The following KPLCE variants were observed in gnomAD, a reference collection of about 807,000 sequenced individuals.
KPLCE encodes the protein KPRP N-terminal and LCE C-terminal like protein, also known as protein KPLCE.
the KPLCE span, chr1:152,719,933 T>A: frequency 6.4e-7 from 1 of 1,552,094 alleles, no homozygotes; most frequent in Non-Finnish European, 8.7e-7. Flanking sequence ...CCAGGGTGCT[T>A]CTCCTTGCCA....
At chr1:152,719,682 C>A in the KPLCE span, 3 of 1,552,238 alleles carry the variant, frequency 1.9e-6, no homozygotes, top group Non-Finnish European at 2.6e-6. Context: ...CCTACTCAAA[C>A]TTATGTGAAG....
chr1:152,719,805 G>T, the KPLCE span: 5 of 1,551,416 alleles, frequency 3.2e-6, no homozygotes, highest in Non-Finnish European at 4.4e-6. Flanking sequence ...CCAGCTCCCT[G>T]CCAGACAACC....
At chr1:152,720,114 C>T in the KPLCE span, 1 of 1,551,728 alleles carries the variant, frequency 6.4e-7, no homozygotes, top group Non-Finnish European at 8.7e-7. Context: ...ACAGGATCAT[C>T]TGGCTGCTGT....
the KPLCE span, chr1:152,720,025 C>G: frequency 1.3e-6 from 2 of 1,551,780 alleles, no homozygotes; most frequent in South Asian, 2.4e-5. Context: ...CCTGTTCCAC[C>G]AGCTACTGCT....
At chr1:152,720,239 G>A in the KPLCE span, 1 of 1,550,616 alleles carries the variant, frequency 6.4e-7, no homozygotes, top group Non-Finnish European at 8.7e-7. Flanking sequence ...CCGAGGTCCT[G>A]CATGCTGTGA....
chr1:152,719,595 G>A, the KPLCE span: 1 of 1,551,842 alleles, frequency 6.4e-7, no homozygotes, highest in Non-Finnish European at 8.7e-7. Flanking sequence ...GCTGGGCAGG[G>A]TAGCAATGGT....
chr1:152,719,703 C>G, the KPLCE span: 1 of 1,552,254 alleles, frequency 6.4e-7, no homozygotes, highest in Non-Finnish European at 8.7e-7. Flanking sequence ...TACCAAGTTC[C>G]ATGCCAGACT....
the KPLCE span, chr1:152,720,264 G>A: frequency 1.3e-6 from 2 of 1,545,360 alleles, no homozygotes; most frequent in South Asian, 2.4e-5. Context: ...GAGGATGACT[G>A]CTGCTGCTAA....
chr1:152,719,979 C>T, the KPLCE span: 1 of 1,551,866 alleles, frequency 6.4e-7, no homozygotes, highest in Non-Finnish European at 8.7e-7. Context: ...AGTGGCTCAA[C>T]CTCCCAGTAC....
the KPLCE span, chr1:152,720,055 CG>C: frequency 1.3e-6 from 2 of 1,551,748 alleles, no homozygotes; most frequent in African/African-American, 1.4e-5. Context: ...CCCGGACCTT[CG>C]GGGTGAGTCC....
the KPLCE span, chr1:152,720,457 A>G: frequency 1.7e-6 from 1 of 587,826 alleles, no homozygotes; most frequent in Non-Finnish European, 3.1e-6. Flanking sequence ...TGGCATGAAT[A>G]AAGCTCTGAA....
chr1:152,719,949 A>G, the KPLCE span: 2 of 1,551,964 alleles, frequency 1.3e-6, no homozygotes, highest in African/African-American at 2.7e-5. Flanking sequence ...TGCCAGAGCT[A>G]TTATGTTCAA....
chr1:152,719,645 G>C, the KPLCE span: 1 of 1,552,176 alleles, frequency 6.4e-7, no homozygotes, highest in Non-Finnish European at 8.7e-7. Flanking sequence ...GACCCAAACT[G>C]TCTGTGTGAC....
the KPLCE span, chr1:152,719,934 C>T: frequency 3.2e-6 from 5 of 1,552,184 alleles, no homozygotes; most frequent in South Asian, 1.2e-5. Context: ...CAGGGTGCTT[C>T]TCCTTGCCAG....
chr1:152,720,063 G>A, the KPLCE span: 1 of 1,551,612 alleles, frequency 6.4e-7, no homozygotes, highest in African/African-American at 1.4e-5. Context: ...TTCGGGGTGA[G>A]TCCCCTGAGA....
At chr1:152,720,291 C>T in the KPLCE span, 1 of 1,521,414 alleles carries the variant, frequency 6.6e-7, no homozygotes, top group Non-Finnish European at 8.9e-7. Flanking sequence ...GACAGCTCAA[C>T]TCCAGAATGC....
the KPLCE span, chr1:152,720,368 G>A: frequency 3.0e-4 from 311 of 1,046,484 alleles, 2 homozygotes; most frequent in Admixed American, 5.3e-4. Flanking sequence ...TGCCAGTGAT[G>A]TAGAACCTCA....
At chr1:152,720,231 G>A in the KPLCE span, 50 of 1,551,290 alleles carry the variant, frequency 3.2e-5, no homozygotes, top group Admixed American at 5.5e-4. Flanking sequence ...ATGAGGTCCC[G>A]AGGTCCTGCA....
chr1:152,720,463 C>G, the KPLCE span: 2 of 577,692 alleles, frequency 3.5e-6, no homozygotes, highest in South Asian at 2.7e-5. Flanking sequence ...GAATAAAGCT[C>G]TGAATGCATT....
Sources: allele counts gnomAD v4.1 joint callset, GRCh38; gene constraint gnomAD v4.1.1; transcripts MANE v1.5; gene names NCBI Gene and HGNC (gene_info 2026-07-23, HGNC 2026-07-21).